Variants in MCTS1 observed in about 807,000 individuals in gnomAD.
The protein encoded by MCTS1 is MCTS1 re-initiation and release factor, also known as malignant T-cell-amplified sequence 1.
For synonymous variants in MCTS1, 26 were observed against 40.8 expected (o/e 0.64, Z 1.38); for missense variants, 55 against 128.6 (o/e 0.43, Z 2.77).
rs1177889014 is a variant in MCTS1, at chrX:120,619,675, A to G, written c.*7411A>G. On this transcript the variant is annotated 3_prime_UTR_variant, in exon 6 of 6. Coordinates refer to ENST00000371317, the MANE Select transcript of MCTS1 (RefSeq NM_014060.3). Reference sequence around the variant, plus strand: ...TTTATGGGTTATTGGAGAGAGGTATAAGTTGGCAAGACTCTGTTCCACGAT... The same window carrying G: ...TTTATGGGTTATTGGAGAGAGGTATGAGTTGGCAAGACTCTGTTCCACGAT... Among the ~76,000 whole-genome samples the G allele has an allele frequency of 3.6e-5, 4 of 111,214 alleles. No homozygotes were observed. The East Asian group carries it at 1.1e-3, about 31-fold the overall frequency.
chrX:120,604,546 C>T, intron 1 of MCTS1: 1 of 610,763 alleles, frequency 1.6e-6, no homozygotes, highest in Non-Finnish European at 2.3e-6. Flanking sequence ...CCAATCACAT[C>T]CGTGCACTGT....
chrX:120,604,929 C>T (rs1405468929), intron 1 of MCTS1: 1 of 1,083,475 alleles, frequency 9.2e-7, no homozygotes, highest in Non-Finnish European at 1.2e-6. Flanking sequence ...TCATTATTAT[C>T]ATCACTTAAA....
chrX:120,609,919 A>G (rs1385201296), intron 4 of MCTS1, among the ~76,000 whole-genome samples: 1 of 112,286 alleles, frequency 8.9e-6, no homozygotes, highest in Non-Finnish European at 1.9e-5. Context: ...GAAACTTCAT[A>G]TGTTAACCAA....
Position 120,620,539 on chromosome X carries a change from CAGG to C in MCTS1, c.*8278_*8280del, listed in dbSNP as rs1485409923. 9.3e-6 allele frequency: 1 copy of C among 107,476 alleles called. No individual in the cohort carries two copies. The highest frequency in any genetic ancestry group is 1.9e-5 in the Non-Finnish European group (1 of 52,219). The allele number at this position is 107,476 out of a possible 1,213,427, so 8.9% of individuals were successfully genotyped here. ...ATCCCAGCTACACAGGAGGCTGAGG[CAGG>C]AGATTTGCTTGAACCTGGGAGGCGG... is the stretch of plus-strand genomic sequence containing the variant. On this transcript the variant is annotated 3_prime_UTR_variant, in exon 6 of 6. Transcript: ENST00000371317.
rs1926825379 is a variant in MCTS1, at chrX:120,615,561, T to A, written c.*3297T>A. Among the ~76,000 whole-genome samples the A allele has an allele frequency of 1.8e-5, 2 of 111,923 alleles. No individual in the cohort carries two copies. The highest frequency in any genetic ancestry group is 7.4e-4 in the South Asian group (2 of 2,694). On this transcript the variant is annotated 3_prime_UTR_variant, in exon 6 of 6. Transcript: ENST00000371317. ...AAGCCAGTAGGAATGTACTAATCCT[T>A]TTCCAATTTTAGTCATCAAAAATTG...
intron 2 of MCTS1, 59 bp downstream of exon 2, chrX:120,605,618 T>C: frequency 9.5e-7 from 1 of 1,049,069 alleles, no homozygotes; most frequent in Non-Finnish European, 1.3e-6. Flanking sequence ...AATGATTAGA[T>C]TGCACTCATA....
chrX:120,605,279 ATTTATT>A, intron 1 of MCTS1, 122 bp from the exon 2 acceptor site: 1 of 612,384 alleles, frequency 1.6e-6, no homozygotes, highest in South Asian at 3.8e-5. Flanking sequence ...TAAAAGAACA[ATTTATT>A]TCATAATTAA....
intron 5 of MCTS1, 97 bp from the exon 6 acceptor site, chrX:120,612,082 TAATA>T: frequency 1.6e-6 from 1 of 630,107 alleles, no homozygotes; most frequent in Middle Eastern, 5.2e-4. Context: ...ACTTGTGGCT[TAATA>T]ATTAAAAAAT....
chrX:120,604,160 A>G lies in MCTS1; in HGVS notation c.-77A>G. 8.8e-7 allele frequency: 1 copy of G among 1,136,812 alleles called. No individual in the cohort carries two copies. The highest frequency in any genetic ancestry group is 1.2e-6 in the Non-Finnish European group (1 of 832,020). 93.7% of individuals were successfully genotyped at this position (1,136,812 alleles called of 1,213,427 possible). A position where few individuals can be genotyped will look rare whatever the true frequency, so the allele number is the denominator to read the frequency against. ...GTGCCGGCCTTCCTCGTGTGAGGGG[A>G]TCTGCCGGACCCCTGCAAATTCAAT... On this transcript the variant is annotated 5_prime_UTR_variant, in exon 1 of 6. Coordinates refer to ENST00000371317, the MANE Select transcript of MCTS1 (RefSeq NM_014060.3).
In MCTS1 at chrX:120,614,916, C is replaced by T. The variant is rs982839709; in HGVS notation, c.*2652C>T. Among the ~76,000 whole-genome samples, 7 of 112,203 alleles carry T rather than the reference C, an allele frequency of 6.2e-5. No individual in the cohort carries two copies. Among genetic ancestry groups the T allele is most frequent in the Non-Finnish European group, 1.3e-4 (7 of 53,243 alleles). On this transcript the variant is annotated 3_prime_UTR_variant, in exon 6 of 6. Transcript: ENST00000371317. Reference sequence around the variant, plus strand: ...TCATCTTTGTGTCTAACCACTGTTACAGTGGGTGTAAGGAACACTTTTTAA... The same window carrying T: ...TCATCTTTGTGTCTAACCACTGTTATAGTGGGTGTAAGGAACACTTTTTAA...
chrX:120,617,805 A>C lies in MCTS1; in HGVS notation c.*5541A>C, dbSNP rs914169654. ...ATGGTGAAATAGGTAATTTCTTCTT[A>C]TTTTCACAAGCGTGTGAGTAAAAGA... On this transcript the variant is annotated 3_prime_UTR_variant, in exon 6 of 6. Coordinates refer to ENST00000371317, the MANE Select transcript of MCTS1 (RefSeq NM_014060.3). Among the ~76,000 whole-genome samples, 9 of 112,355 alleles carry C rather than the reference A, an allele frequency of 8.0e-5. No homozygotes were observed. Among genetic ancestry groups the C allele is most frequent in the African/African-American group, 2.9e-4 (9 of 30,896 alleles).
chrX:120,605,817 G>A (rs768532792), intron 2 of MCTS1, among the ~76,000 whole-genome samples: 1 of 112,515 alleles, frequency 8.9e-6, no homozygotes, highest in South Asian at 3.6e-4. Context: ...ATTTATTTCA[G>A]TTTGTTGTTT....
chrX:120,613,221 C>T lies in MCTS1; in HGVS notation c.*957C>T, dbSNP rs1208945180. On this transcript the variant is annotated 3_prime_UTR_variant, in exon 6 of 6. Transcript: ENST00000371317. ...GATTACAGGCATGAGCCACCGTGCC[C>T]AGCTAATTTTTATATATTTTATAGT... is the stretch of plus-strand genomic sequence containing the variant. Among the ~76,000 whole-genome samples, 2 of 110,594 alleles carry T rather than the reference C, an allele frequency of 1.8e-5. No homozygotes were observed. The highest frequency in any genetic ancestry group is 9.7e-5 in the Admixed American group (1 of 10,301).
intron 1 of MCTS1, 131 bp from the exon 2 acceptor site, chrX:120,605,269 TAAAAGAA>T: frequency 1.8e-6 from 1 of 568,015 alleles, no homozygotes. Flanking sequence ...TATTTTTTTT[TAAAAGAA>T]CAATTTATTT....
At chrX:120,607,064 C>T (rs1004140538) in intron 3 of MCTS1, among the ~76,000 whole-genome samples, 12 of 105,284 alleles carry the variant, frequency 1.1e-4, no homozygotes, top group South Asian at 3.8e-4. Flanking sequence ...AGTGTCCTTC[C>T]GTCCAGGTAT....
chrX:120,620,071 G>A lies in MCTS1; in HGVS notation c.*7807G>A, dbSNP rs1259632550. On this transcript the variant is annotated 3_prime_UTR_variant, in exon 6 of 6. Transcript: ENST00000371317. ...TCACGCCTGTAATCCCAGTACTTTG[G>A]GAGGCCAAGGTGGGCGGATCACGAG... Among the ~76,000 whole-genome samples the A allele has an allele frequency of 1.8e-5, 2 of 111,380 alleles. No homozygotes were observed. The highest frequency in any genetic ancestry group is 6.5e-5 in the African/African-American group (2 of 30,596).
In MCTS1 at chrX:120,605,549, A is replaced by G; in HGVS notation, c.154A>G (p.Ile52Val). 1 of 1,200,755 alleles carries G rather than the reference A, an allele frequency of 8.3e-7. No individual in the cohort carries two copies. The highest frequency in any genetic ancestry group is 1.1e-6 in the Non-Finnish European group (1 of 892,177). The stretch of plus-strand genomic sequence containing the variant: ...CATGCCTAAGAAAGATCCTGTCAAA[A>G]TAGTCCGATGGTAAGTCTTTGTTTT... ...QIMPKKDPVK[I>V]VRCHEHIEIL... The change falls in exon 2 of 6, where the codon ATA becomes GTA. Residue 52 changes from isoleucine (I) to valine (V), a missense_variant. Ile to Val is a conservative substitution (Grantham distance 29). Transcript: ENST00000371317.
Position 120,614,779 on chromosome X carries a change from A to G in MCTS1, c.*2515A>G. ...TTGAACCTTTATTTTTGTTGCTAAG[A>G]GAATGTTTTTTGACCAAGACTGCCT... On this transcript the variant is annotated 3_prime_UTR_variant, in exon 6 of 6. Transcript: ENST00000371317. Among the ~76,000 whole-genome samples, 1 of 112,363 alleles carries G rather than the reference A, an allele frequency of 8.9e-6. No homozygotes were observed. The highest frequency in any genetic ancestry group is 1.9e-5 in the Non-Finnish European group (1 of 53,289).
At chrX:120,610,281 C>T (rs1056335514) in intron 4 of MCTS1, among the ~76,000 whole-genome samples, 6 of 109,915 alleles carry the variant, frequency 5.5e-5, no homozygotes, top group African/African-American at 2.0e-4. Context: ...GAGATCATGC[C>T]ACTGCACTCC....
Sources: gnomAD v4.1 joint callset for allele counts (sites outside exome capture counted in the v4.1 genomes callset) on GRCh38, gnomAD v4.1.1 for gene constraint, MANE v1.5 for transcripts, NCBI Gene and HGNC (gene_info 2026-07-23, HGNC 2026-07-21) for gene names.